LGI2: variants seen among roughly 807,000 people sequenced by gnomAD.
LGI2 encodes leucine rich repeat LGI family member 2.
A neutral mutation model predicts 52.0 loss-of-function variants in LGI2; 30 were observed. The observed-to-expected ratio is 0.58, with a 90% CI of 0.43 to 0.78. The LOEUF (loss-of-function observed/expected upper bound fraction) is 0.78. Ranked by LOEUF, LGI2 falls within the 30% of genes least tolerant of loss-of-function variation. The pLI, the probability that LGI2 is intolerant of heterozygous loss-of-function variation, is 0.00. For missense variants in LGI2, 573 were observed against 692.5 expected, an observed-to-expected ratio of 0.83 and a Z score of 1.94; for synonymous variants, 270 against 271.8, an observed-to-expected ratio of 0.99 and a Z score of 0.06.
chr4:25,020,966 T>C (rs780903260), intron 4 of LGI2, among the ~76,000 whole-genome samples: 11 of 152,186 alleles, frequency 7.2e-5, no homozygotes, highest in Non-Finnish European at 1.3e-4. Flanking sequence ...TTCATTTTGA[T>C]TTTCTTTCCT....
chr4:25,018,861 A>G (rs1232182334), intron 5 of LGI2, among the ~76,000 whole-genome samples: 1 of 130,672 alleles, frequency 7.7e-6, no homozygotes, highest in Non-Finnish European at 1.5e-5. Context: ...GACTACATCT[A>G]AAAAAAAAAA....
chr4:25,007,502 C>G (rs1725428912), intron 7 of LGI2, among the ~76,000 whole-genome samples: 1 of 151,738 alleles, frequency 6.6e-6, no homozygotes, highest in African/African-American at 2.4e-5. Context: ...CCGCGTGAAA[C>G]AGAAGGAATT....
At chr4:25,028,709 C>G (rs1726223890) in intron 1 of LGI2, 131 bp from the exon 2 acceptor site, 3 of 717,896 alleles carry the variant, frequency 4.2e-6, no homozygotes, top group Non-Finnish European at 7.3e-6. Flanking sequence ...AGCACAGTTG[C>G]CCAGGATCTT....
intron 1 of LGI2, among the ~76,000 whole-genome samples, 178 bp downstream of exon 1, chr4:25,030,319 A>G (rs574443193): frequency 5.3e-5 from 8 of 152,300 alleles, no homozygotes; most frequent in Middle Eastern, 3.4e-3. Context: ...TCTGGGGCTC[A>G]GGTCCTCACC....
At chr4:24,996,686 C>A (rs1185474133), downstream of LGI2, among the ~76,000 whole-genome samples, 1 of 152,192 alleles carries the variant, frequency 6.6e-6, no homozygotes, top group Non-Finnish European at 1.5e-5. Context: ...GCTGGCCGCA[C>A]CACCTTAAAT....
At position 24,999,838 on chromosome 4, in the gene LGI2, G is replaced by T. The variant is rs746222841; in HGVS notation, c.*3613C>A. On this transcript the variant is annotated 3_prime_UTR_variant, in exon 8 of 8. Transcript: ENST00000382114. ...TGCTTCCTGAAGGCTGATGACGGCC[G>T]AGAGCAATTCATCACCACTCGTGCA... is the stretch of plus-strand genomic sequence containing the variant. The T allele has an allele frequency of 2.0e-5, 9 of 456,178 alleles. No individual in the cohort carries two copies. The highest frequency in any genetic ancestry group is 1.4e-4 in the South Asian group (9 of 64,538). The allele number at this position is 456,178 out of a possible 1,614,324, so 28.3% of individuals were successfully genotyped here. A position where few individuals can be genotyped will look rare whatever the true frequency, so the allele number is the denominator to read the frequency against.
intron 7 of LGI2, among the ~76,000 whole-genome samples, chr4:25,010,018 G>A (rs1466620753): frequency 6.6e-6 from 1 of 152,098 alleles, no homozygotes; most frequent in Non-Finnish European, 1.5e-5. Context: ...AAATCTTTGA[G>A]AATGAATGAA....
Position 25,003,994 on chromosome 4 carries a change from C to G in LGI2, c.1095G>C (p.Gln365His). The change falls in exon 8 of 8, where the codon CAG becomes CAC. Residue 365 changes from glutamine (Q) to histidine (H), a missense_variant. Transcript: ENST00000382114. Reference protein sequence around the residue: ...KWNSKGFYSYQSLHEWFRDTD... With the variant: ...KWNSKGFYSYHSLHEWFRDTD... Reference sequence around the variant, plus strand: ...TGTCCCTGAACCACTCGTGCAGTGACTGGTAAGAATAGAATCCTTTGCTGT... The same window carrying G: ...TGTCCCTGAACCACTCGTGCAGTGAGTGGTAAGAATAGAATCCTTTGCTGT... The G allele has an allele frequency of 6.2e-7, 1 of 1,614,208 alleles. No individual in the cohort carries two copies. The highest frequency in any genetic ancestry group is 8.5e-7 in the Non-Finnish European group (1 of 1,180,038).
Position 25,014,814 on chromosome 4 carries a change from G to C in LGI2, c.656-2315C>G, listed in dbSNP as rs1370540410. ...CCACTGCACTCTAGCCTGGATGACAGAGCAAGACCTTGTCTCAAAAAAAAA... is the reference window on the plus strand; with the variant it reads ...CCACTGCACTCTAGCCTGGATGACACAGCAAGACCTTGTCTCAAAAAAAAA... On this transcript the variant is annotated intron_variant, in intron 6 of 7. Transcript: ENST00000382114. Among the ~76,000 whole-genome samples the C allele has an allele frequency of 2.5e-5, 3 of 118,578 alleles. No homozygotes were observed. The Admixed American group carries it at 3.4e-4, about 13-fold the overall frequency. The allele number at this position is 118,578 out of a possible 152,430, so 77.8% of individuals were successfully genotyped here.
rs1725238761 is a variant in LGI2 at position 25,001,546 on chromosome 4, A to G, written c.*1905T>C. ...GACCTGGGCATTTGTAGCCTGTTCA[A>G]AGAAACCAAGAGGGAAAAAAAAGTG... is the stretch of plus-strand genomic sequence containing the variant. On this transcript the variant is annotated 3_prime_UTR_variant, in exon 8 of 8. Transcript: ENST00000382114. 7.0e-6 allele frequency: 1 copy of G among 142,518 alleles called. No individual in the cohort carries two copies. Among genetic ancestry groups the G allele is most frequent in the African/African-American group, 2.6e-5 (1 of 38,214 alleles). 8.8% of individuals were successfully genotyped at this position (142,518 alleles called of 1,614,324 possible).
At chr4:25,028,784 T>A (rs1726226879) in intron 1 of LGI2, among the ~76,000 whole-genome samples, 1 of 152,148 alleles carries the variant, frequency 6.6e-6, no homozygotes. Context: ...TGAAGACTAG[T>A]CTGAATAACA....
intron 7 of LGI2, among the ~76,000 whole-genome samples, chr4:25,005,564 T>G (rs576994128): frequency 7.0e-6 from 1 of 142,636 alleles, no homozygotes; most frequent in South Asian, 2.4e-4. Context: ...GTTTAAAAAA[T>G]GTGTATCCTT....
intron 4 of LGI2, among the ~76,000 whole-genome samples, chr4:25,022,333 G>A (rs535865774): frequency 3.9e-5 from 6 of 152,262 alleles, no homozygotes; most frequent in African/African-American, 7.2e-5. Flanking sequence ...ACAGCATCCC[G>A]GGCAAGGGAA....
At chr4:25,019,828 A>G (rs1371902080) in intron 4 of LGI2, among the ~76,000 whole-genome samples, 1 of 152,184 alleles carries the variant, frequency 6.6e-6, no homozygotes, top group African/African-American at 2.4e-5. Flanking sequence ...TTGGTACACT[A>G]CATATTTTAA....
At chr4:25,023,296 C>T (rs781598806) in intron 4 of LGI2, among the ~76,000 whole-genome samples, 18 of 152,154 alleles carry the variant, frequency 1.2e-4, no homozygotes, top group African/African-American at 2.4e-4. Flanking sequence ...CAAGCCTATA[C>T]GACTCCAAGC....
chr4:25,030,354 A>T, intron 1 of LGI2, 143 bp downstream of exon 1: 1 of 858,828 alleles, frequency 1.2e-6, no homozygotes, highest in Non-Finnish European at 1.7e-6. Context: ...CCAACACTCC[A>T]CCCACGTCCC....
At chr4:25,024,463 G>A (rs1726076632) in intron 4 of LGI2, among the ~76,000 whole-genome samples, 1 of 152,092 alleles carries the variant, frequency 6.6e-6, no homozygotes. Flanking sequence ...GCAGTGAGCC[G>A]AGATCATGCC....
chr4:25,005,212 T>C (rs969923513), intron 7 of LGI2, among the ~76,000 whole-genome samples: 3 of 152,210 alleles, frequency 2.0e-5, no homozygotes, highest in Non-Finnish European at 4.4e-5. Context: ...TGGACGTTAG[T>C]TGTACAACAC....
chr4:25,030,718 G>A lies in LGI2; in HGVS notation c.-25C>T, dbSNP rs763682118. ...TGCCCGGTCCCCGCTCCCCGCCCGG[G>A]CCCCGACCCCCACCGCCGCGCCGCG... On this transcript the variant is annotated 5_prime_UTR_variant, in exon 1 of 8. Transcript: ENST00000382114. 23 of 1,199,998 alleles carry A rather than the reference G, an allele frequency of 1.9e-5. 1 individual carries two copies. In the South Asian group the frequency reaches 8.9e-4, roughly 46 times the overall value. The allele number at this position is 1,199,998 out of a possible 1,614,324, so 74.3% of individuals were successfully genotyped here.
Sources: gnomAD v4.1 joint callset for allele counts (sites outside exome capture counted in the v4.1 genomes callset) on GRCh38, gnomAD v4.1.1 for gene constraint, MANE v1.5 for transcripts, NCBI Gene and HGNC (gene_info 2026-07-23, HGNC 2026-07-21) for gene names.